ATRX: variants seen among roughly 807,000 people sequenced by gnomAD.
ATRX encodes ATRX chromatin remodeler.
ATRX carries 12 observed loss-of-function variants against 172.6 expected under a neutral mutation model. The observed-to-expected ratio is 0.07, with a 90% CI of 0.04 to 0.11. The LOEUF (loss-of-function observed/expected upper bound fraction) is 0.11. ATRX is among the 10% of genes least tolerant of loss of function. The pLI, the probability that ATRX is intolerant of heterozygous loss-of-function variation, is 1.00. For missense variants in ATRX, 1,368 were observed against 1,767.4 expected (o/e 0.77, Z 4.05); for synonymous variants, 674 against 594.7 (o/e 1.13, Z -1.94).
chrX:77,627,195 T>C (rs2067904173), intron 19 of ATRX, among the ~76,000 whole-genome samples: 1 of 110,518 alleles, frequency 9.0e-6, no homozygotes, highest in African/African-American at 3.3e-5. Context: ...ATCGCGCCAC[T>C]GCGCTCCAGC....
intron 1 of ATRX, among the ~76,000 whole-genome samples, chrX:77,732,633 A>G (rs2074349641): frequency 8.9e-6 from 1 of 112,255 alleles, no homozygotes; most frequent in Non-Finnish European, 1.9e-5. Flanking sequence ...ATATATGCAA[A>G]TCAATGTGAT....
chrX:77,540,964 T>C (rs1480229804), intron 30 of ATRX, among the ~76,000 whole-genome samples: 1 of 109,775 alleles, frequency 9.1e-6, no homozygotes, highest in East Asian at 2.8e-4. Flanking sequence ...ATAACTAAGA[T>C]CAGAGAAGAG....
intron 30 of ATRX, among the ~76,000 whole-genome samples, chrX:77,536,071 G>A (rs1017236464): frequency 3.7e-5 from 4 of 107,059 alleles, no homozygotes; most frequent in Admixed American, 3.0e-4. Flanking sequence ...ACAGGGGCTC[G>A]CTATGTTACC....
intron 1 of ATRX, among the ~76,000 whole-genome samples, chrX:77,752,635 T>C (rs1396939614): frequency 1.8e-5 from 2 of 112,054 alleles, no homozygotes; most frequent in East Asian, 5.6e-4. Flanking sequence ...TTTTGAAATA[T>C]GTTCCATCAA....
rs2071372568 is a variant in ATRX at position 77,683,534 on chromosome X, A to C, written c.1722T>G (p.Ile574Met). ...NISSKDNRGG[I>M]KSKTTAKVTK... ...TTACTTTAGCTGTAGTTTTTGATTT[A>C]ATACCTCCTCTGTTGTCTTTTGAAG... The change falls in exon 9 of 35, where the codon ATT (isoleucine) becomes ATG (methionine). Residue 574 changes from isoleucine to methionine, a missense_variant. Around this residue, in one of 17 missense-constraint regions of ATRX, gnomAD observed 843 missense variants for 643.1 expected, o/e 1.31. Transcript: ENST00000373344. 8.3e-7 allele frequency: 1 copy of C among 1,208,847 alleles called. No homozygotes were observed. The highest frequency in any genetic ancestry group is 1.1e-6 in the Non-Finnish European group (1 of 892,986).
chrX:77,727,197 T>C (rs2074085340), intron 1 of ATRX, among the ~76,000 whole-genome samples: 1 of 111,484 alleles, frequency 9.0e-6, no homozygotes, highest in African/African-American at 3.3e-5. Context: ...CTGGAGAGGA[T>C]GTGGAGAAAT....
intron 1 of ATRX, among the ~76,000 whole-genome samples, chrX:77,723,133 G>C (rs2073860639): frequency 9.0e-6 from 1 of 111,132 alleles, no homozygotes. Context: ...AGTGGGAGTT[G>C]AACAATGAGA....
At chrX:77,667,802 G>A (rs886691813) in intron 10 of ATRX, among the ~76,000 whole-genome samples, 10 of 111,502 alleles carry the variant, frequency 9.0e-5, no homozygotes, top group Non-Finnish European at 1.3e-4. Context: ...ACAACTTAGC[G>A]ACAACTTTCA....
chrX:77,522,251 T>C lies in ATRX; in HGVS notation c.6975+12A>G. On this transcript the variant is annotated intron_variant, in intron 32 of 34. Coordinates refer to ENST00000373344, the MANE Select transcript of ATRX (RefSeq NM_000489.6). Reference sequence around the variant, plus strand: ...AATTCATGTCAAACTACTTTTGTACTTCACAACTCACCTCCAGCTGTTGAT... The same window carrying C: ...AATTCATGTCAAACTACTTTTGTACCTCACAACTCACCTCCAGCTGTTGAT... 1 of 1,210,844 alleles carries C rather than the reference T, an allele frequency of 8.3e-7. No individual in the cohort carries two copies. Among genetic ancestry groups the C allele is most frequent in the Non-Finnish European group, 1.1e-6 (1 of 894,667 alleles).
At chrX:77,728,475 G>A (rs1278764197) in intron 1 of ATRX, among the ~76,000 whole-genome samples, 1 of 111,548 alleles carries the variant, frequency 9.0e-6, no homozygotes, top group Non-Finnish European at 1.9e-5. Context: ...AGAAACTTTT[G>A]AAATAGTACA....
At chrX:77,598,966 A>G (rs918940442) in intron 25 of ATRX, among the ~76,000 whole-genome samples, 1 of 112,099 alleles carries the variant, frequency 8.9e-6, no homozygotes, top group Admixed American at 9.4e-5. Context: ...ATTAACTACA[A>G]TCACACTTGA....
At chrX:77,671,950 G>A (rs1431609395) in intron 10 of ATRX, among the ~76,000 whole-genome samples, 3 of 110,296 alleles carry the variant, frequency 2.7e-5, no homozygotes, top group African/African-American at 9.9e-5. Context: ...GTAGAAAAAA[G>A]AAAGCCAGTA....
intron 13 of ATRX, among the ~76,000 whole-genome samples, chrX:77,655,040 A>G (rs1411122810): frequency 9.0e-6 from 1 of 111,709 alleles, no homozygotes; most frequent in African/African-American, 3.2e-5. Flanking sequence ...CAGTCAAAAA[A>G]GACAAATACT....
At chrX:77,773,116 A>AAG (rs1453686443) in intron 1 of ATRX, among the ~76,000 whole-genome samples, 2 of 106,345 alleles carry the variant, frequency 1.9e-5, no homozygotes, top group Non-Finnish European at 3.9e-5. Context: ...AAAAAAAAAA[A>AAG]GAACTGAGAT....
chrX:77,508,347 A>G lies in ATRX; in HGVS notation c.*4T>C, dbSNP rs1557034605. 1 of 1,210,845 alleles carries G rather than the reference A, an allele frequency of 8.3e-7. No homozygotes were observed. On this transcript the variant is annotated 3_prime_UTR_variant, in exon 35 of 35. Transcript: ENST00000373344. Reference sequence around the variant, plus strand: ...TAACAATCCATTAAGCTTTTAGTGCAAAATCACATTGATTTCCCTTGGGAA... The same window carrying G: ...TAACAATCCATTAAGCTTTTAGTGCGAAATCACATTGATTTCCCTTGGGAA...
intron 10 of ATRX, among the ~76,000 whole-genome samples, chrX:77,669,794 G>A (rs1430603416): frequency 9.0e-6 from 1 of 110,607 alleles, no homozygotes; most frequent in African/African-American, 3.3e-5. Flanking sequence ...GAACTCCCGG[G>A]CTAAAGCAAT....
At chrX:77,614,095 C>T (rs1557095456) in intron 22 of ATRX, among the ~76,000 whole-genome samples, 1 of 111,926 alleles carries the variant, frequency 8.9e-6, no homozygotes, top group African/African-American at 3.2e-5. Flanking sequence ...GAAACTGCTG[C>T]TAATGTTAAA....
rs781985999 is a variant in ATRX, at chrX:77,620,489, A to G, written c.5178T>C (p.Asn1726=). The change falls in exon 20 of 35, where the codon AAT becomes AAC. Residue 1726 remains asparagine, a synonymous_variant. Transcript: ENST00000373344. The part of the protein sequence containing the change: ...VVCDEGHILK[N]EASAVSKAMN... ...TAGCTTTAGAAACAGCAGATGCTTC[A>G]TTTTTTAGAATATGGCCTTCATCAC... 1.7e-6 allele frequency: 2 copies of G among 1,207,976 alleles called. No homozygotes were observed. The highest frequency in any genetic ancestry group is 5.9e-5 in the East Asian group (2 of 33,719).
At chrX:77,758,460 T>C (rs1603311707) in intron 1 of ATRX, among the ~76,000 whole-genome samples, 1 of 102,133 alleles carries the variant, frequency 9.8e-6, no homozygotes, top group East Asian at 3.2e-4. Flanking sequence ...GAGATAAGCA[T>C]GTAAGGAAAT....
Sources: allele counts gnomAD v4.1 joint callset (sites outside exome capture counted in the v4.1 genomes callset), GRCh38; gene constraint gnomAD v4.1.1; regional missense constraint gnomAD v4.1.1; transcripts MANE v1.5; gene names NCBI Gene and HGNC (gene_info 2026-07-23, HGNC 2026-07-21).